Variants in TAFA1 observed in about 807,000 individuals in gnomAD.
The protein encoded by TAFA1 is chemokine-like protein TAFA-1.
A neutral mutation model predicts 18.5 loss-of-function variants in TAFA1; 4 were observed. The observed-to-expected ratio is 0.22, with a 90% confidence interval of 0.11 to 0.49. The LOEUF (loss-of-function observed/expected upper bound fraction) is 0.49. Among genes scored for constraint, TAFA1 ranks in the 20% least tolerant of loss-of-function variants. TAFA1 has a pLI of 0.98. For synonymous variants in TAFA1, 56 were observed against 55.2 expected, an observed-to-expected ratio of 1.01 and a Z score of -0.06; for missense variants, 147 against 169.0, an observed-to-expected ratio of 0.87 and a Z score of 0.72.
intron 2 of TAFA1, among the ~76,000 whole-genome samples, chr3:68,114,616 G>A (rs1461238634): frequency 6.6e-6 from 1 of 152,194 alleles, no homozygotes; most frequent in African/African-American, 2.4e-5. Flanking sequence ...TTTACATGAT[G>A]CTAGTAAGAG....
chr3:68,437,252 CT>C (rs1366752790), intron 3 of TAFA1, among the ~76,000 whole-genome samples: 3 of 151,310 alleles, frequency 2.0e-5, no homozygotes, highest in Admixed American at 6.5e-5. Flanking sequence ...CAGGCTGTTG[CT>C]TAATAGCACA....
intron 3 of TAFA1, among the ~76,000 whole-genome samples, chr3:68,536,580 G>A (rs1402702401): frequency 6.6e-6 from 1 of 152,182 alleles, no homozygotes; most frequent in African/African-American, 2.4e-5. Context: ...GATTTGGGAA[G>A]AGCTAACACA....
At position 68,226,517 on chromosome 3, in the gene TAFA1, C is replaced by A. The variant is rs1275353076; in HGVS notation, c.119-190763C>A. Reference sequence around the variant, plus strand: ...TGGTGAAGTTCCAATATAGGAGACACAAGTGGTTAATGAAAATAAAACTTG... The same window carrying A: ...TGGTGAAGTTCCAATATAGGAGACAAAAGTGGTTAATGAAAATAAAACTTG... On this transcript the variant is annotated intron_variant, in intron 2 of 4. Transcript: ENST00000478136. Among the ~76,000 whole-genome samples the A allele has an allele frequency of 3.9e-5, 6 of 152,072 alleles. No individual in the cohort carries two copies. The East Asian group carries it at 7.7e-4, about 20-fold the overall frequency.
chr3:68,539,785 G>A (rs2073343249), intron 4 of TAFA1, among the ~76,000 whole-genome samples: 1 of 147,490 alleles, frequency 6.8e-6, no homozygotes, highest in Non-Finnish European at 1.5e-5. Context: ...GAGAGAGGGG[G>A]GTCTCACTCT....
At chr3:68,348,283 CAGTT>C (rs1344420211) in intron 2 of TAFA1, among the ~76,000 whole-genome samples, 8 of 152,128 alleles carry the variant, frequency 5.3e-5, no homozygotes, top group East Asian at 1.9e-4. Flanking sequence ...GCTTTGCACA[CAGTT>C]AGTCTATACT....
chr3:68,028,393 T>C (rs1485637731), intron 2 of TAFA1, among the ~76,000 whole-genome samples: 1 of 151,216 alleles, frequency 6.6e-6, no homozygotes, highest in Non-Finnish European at 1.5e-5. Context: ...ATAAAGAAGT[T>C]GAACAAAAAG....
At chr3:68,479,117 G>C (rs898450147) in intron 3 of TAFA1, among the ~76,000 whole-genome samples, 12 of 149,782 alleles carry the variant, frequency 8.0e-5, no homozygotes, top group Non-Finnish European at 1.3e-4. Context: ...TGTAGTCCCA[G>C]CCACTTAGGA....
chr3:68,142,300 T>A (rs1033256248), intron 2 of TAFA1, among the ~76,000 whole-genome samples: 7 of 152,204 alleles, frequency 4.6e-5, no homozygotes, highest in Non-Finnish European at 8.8e-5. Context: ...GTGCCCAAGA[T>A]CACACAGTTA....
At chr3:68,130,867 G>T (rs539711274) in intron 2 of TAFA1, among the ~76,000 whole-genome samples, 89 of 152,114 alleles carry the variant, frequency 5.9e-4, no homozygotes, top group African/African-American at 2.1e-3. Context: ...CTACCTCCCT[G>T]TCCTCCCTGG....
intron 3 of TAFA1, among the ~76,000 whole-genome samples, chr3:68,506,484 C>CAT (rs1271053742): frequency 6.6e-6 from 1 of 151,890 alleles, no homozygotes; most frequent in Non-Finnish European, 1.5e-5. Flanking sequence ...CACACACACA[C>CAT]ACACAGAGCA....
intron 2 of TAFA1, among the ~76,000 whole-genome samples, chr3:68,010,375 GT>G (rs1358780432): frequency 1.6e-4 from 24 of 152,260 alleles, no homozygotes; most frequent in Admixed American, 1.4e-3. Flanking sequence ...TGTTCCCCTC[GT>G]TCAGATTGCC....
chr3:68,154,134 T>A (rs1361170972), intron 2 of TAFA1, among the ~76,000 whole-genome samples: 1 of 152,168 alleles, frequency 6.6e-6, no homozygotes, highest in African/African-American at 2.4e-5. Flanking sequence ...TGTTCAGGGA[T>A]CCTGGATCTG....
At chr3:68,421,237 G>T (rs1177931863) in intron 3 of TAFA1, among the ~76,000 whole-genome samples, 1 of 152,142 alleles carries the variant, frequency 6.6e-6, no homozygotes, top group African/African-American at 2.4e-5. Flanking sequence ...CTTTGGTGTG[G>T]TTGGTTCAAA....
chr3:68,022,917 A>G (rs1704727969), intron 2 of TAFA1, among the ~76,000 whole-genome samples: 1 of 145,104 alleles, frequency 6.9e-6, no homozygotes, highest in African/African-American at 2.6e-5. Flanking sequence ...TAATCATTCT[A>G]TATTATTTCA....
intron 2 of TAFA1, among the ~76,000 whole-genome samples, chr3:68,049,283 A>G (rs1455538483): frequency 1.3e-5 from 2 of 152,156 alleles, no homozygotes; most frequent in African/African-American, 4.8e-5. Flanking sequence ...TATTGAAGAA[A>G]GGCTTTTCTC....
At chr3:68,455,542 C>T (rs750292432) in intron 3 of TAFA1, among the ~76,000 whole-genome samples, 28 of 152,162 alleles carry the variant, frequency 1.8e-4, no homozygotes, top group Non-Finnish European at 2.5e-4. Context: ...TCCTCATCAT[C>T]AGGTTTCGAT....
chr3:68,031,024 A>G (rs192652303), intron 2 of TAFA1, among the ~76,000 whole-genome samples: 2 of 152,186 alleles, frequency 1.3e-5, no homozygotes, highest in East Asian at 3.9e-4. Context: ...TTTTGAGATG[A>G]TCAAGCTTCT....
At chr3:68,308,382 A>C (rs768325248) in intron 2 of TAFA1, among the ~76,000 whole-genome samples, 2 of 152,102 alleles carry the variant, frequency 1.3e-5, no homozygotes, top group Non-Finnish European at 2.9e-5. Context: ...TGCTACTACT[A>C]TTTCTTCCCT....
chr3:68,012,811 T>C (rs78742387), intron 2 of TAFA1, among the ~76,000 whole-genome samples: 7,090 of 152,138 alleles, frequency 0.047, 279 homozygotes, highest in East Asian at 0.13. Flanking sequence ...GCCCTTTTCC[T>C]TTTAAGGGTC....
Sources: gnomAD v4.1 joint callset for allele counts (sites outside exome capture counted in the v4.1 genomes callset) on GRCh38, gnomAD v4.1.1 for gene constraint, MANE v1.5 for transcripts, NCBI Gene and HGNC (gene_info 2026-07-23, HGNC 2026-07-21) for gene names.